PRH1: variants seen among roughly 807,000 people sequenced by gnomAD.
PRH1 encodes proline rich protein HaeIII subfamily 1.
A neutral mutation model predicts 7.9 loss-of-function variants in PRH1; 7 were observed. The ratio of observed to expected loss-of-function variants is 0.89; its 90% CI spans 0.50 to 1.67. The LOEUF is 1.67. PRH1 is among the 40% of genes most tolerant of loss of function. PRH1 has a pLI of 0.00. For synonymous variants in PRH1, 45 were observed against 80.8 expected (o/e 0.56, Z 2.38); for missense variants, 109 against 223.6 (o/e 0.49, Z 3.27).
intron 1 of PRH1, among the ~76,000 whole-genome samples, chr12:11,162,003 TTTAA>T (rs1464639839): frequency 2.0e-5 from 3 of 152,222 alleles, no homozygotes; most frequent in African/African-American, 7.2e-5. Context: ...TTATGAGTGA[TTTAA>T]TTAAATATGT....
chr12:10,908,255 T>C, intron 2 of PRH1: 1 of 744,974 alleles, frequency 1.3e-6, no homozygotes, highest in East Asian at 2.7e-5. Context: ...ATTTAAAACA[T>C]TTACAGTGAC....
intron 1 of PRH1, among the ~76,000 whole-genome samples, chr12:11,043,361 G>C (rs372299663): frequency 8.5e-5 from 13 of 152,200 alleles, no homozygotes; most frequent in African/African-American, 2.9e-4. Context: ...AAAACTAAAA[G>C]ACTTTCCTCT....
intron 1 of PRH1, among the ~76,000 whole-genome samples, chr12:11,080,907 A>AACACATG (rs370158951): frequency 1.3e-4 from 13 of 98,214 alleles, no homozygotes; most frequent in Non-Finnish European, 2.4e-4. Context: ...AGTTCTTTTC[A>AACACATG]ACATACTCTA....
chr12:11,023,641 T>C (rs563627433), intron 1 of PRH1, among the ~76,000 whole-genome samples: 4 of 152,354 alleles, frequency 2.6e-5, no homozygotes, highest in African/African-American at 7.2e-5. Context: ...GGCTTCCATA[T>C]TGAAGTTTCC....
upstream of PRH1, chr12:10,884,346 T>G (rs1949457417): frequency 6.3e-6 from 7 of 1,109,030 alleles, no homozygotes; most frequent in Non-Finnish European, 8.1e-6. Flanking sequence ...CCTCAGAGAC[T>G]GGCTTCTGCT....
At chr12:11,079,158 A>C (rs1193074484) in intron 1 of PRH1, 1 of 144,044 alleles carries the variant, frequency 6.9e-6, no homozygotes, top group Non-Finnish European at 1.5e-5. Flanking sequence ...AATTTTGTAA[A>C]TATTTCGAAG....
intron 1 of PRH1, among the ~76,000 whole-genome samples, chr12:11,056,715 G>A (rs1193376646): frequency 6.6e-6 from 1 of 152,124 alleles, no homozygotes; most frequent in Non-Finnish European, 1.5e-5. Context: ...GTACTCAGAT[G>A]GCTGCAGCAA....
At chr12:11,083,926 T>C (rs76488479) in intron 1 of PRH1, among the ~76,000 whole-genome samples, 12,916 of 70,810 alleles carry the variant, frequency 0.18, 502 homozygotes, top group Non-Finnish European at 0.25. Flanking sequence ...GTTGCTCTAG[T>C]TGGTTCTGCT....
intron 2 of PRH1, among the ~76,000 whole-genome samples, chr12:10,928,962 A>C (rs1288623640): frequency 6.6e-6 from 1 of 152,210 alleles, no homozygotes; most frequent in African/African-American, 2.4e-5. Flanking sequence ...AATGATGTCT[A>C]AAGTTCAATC....
At chr12:11,076,860 TA>T (rs1488407177) in intron 1 of PRH1, 1 of 115,114 alleles carries the variant, frequency 8.7e-6, no homozygotes, top group South Asian at 2.3e-4. Flanking sequence ...CCTAATGAAA[TA>T]AAACCTACCC....
chr12:10,886,216 T>A (rs1191442140), upstream of PRH1, among the ~76,000 whole-genome samples: 1 of 152,158 alleles, frequency 6.6e-6, no homozygotes, highest in African/African-American at 2.4e-5. Flanking sequence ...GACCTGGAGA[T>A]GAGCAGTCCT....
At chr12:10,954,392 C>A (rs768899349) in intron 2 of PRH1, among the ~76,000 whole-genome samples, 10 of 152,158 alleles carry the variant, frequency 6.6e-5, no homozygotes, top group Non-Finnish European at 1.3e-4. Context: ...TACCCATAAG[C>A]TCAAATTTAA....
At chr12:11,144,371 G>A (rs1244900977) in intron 1 of PRH1, among the ~76,000 whole-genome samples, 1 of 152,044 alleles carries the variant, frequency 6.6e-6, no homozygotes, top group Non-Finnish European at 1.5e-5. Context: ...GAAAGTGGGG[G>A]AAAGCCAACA....
chr12:11,097,095 C>G (rs1471484432), intron 1 of PRH1: 2 of 149,994 alleles, frequency 1.3e-5, no homozygotes. Context: ...ACCGCGCCTG[C>G]CCTATGCTGT....
intron 2 of PRH1, among the ~76,000 whole-genome samples, chr12:10,950,901 A>G (rs1257101245): frequency 6.6e-6 from 1 of 152,116 alleles, no homozygotes; most frequent in Non-Finnish European, 1.5e-5. Flanking sequence ...ACAAACACAC[A>G]TTAAAAAAGG....
At chr12:11,163,022 G>C (rs1027757347) in intron 1 of PRH1, among the ~76,000 whole-genome samples, 15 of 152,258 alleles carry the variant, frequency 9.9e-5, no homozygotes, top group African/African-American at 3.6e-4. Flanking sequence ...GAAAAATGCA[G>C]AACAATGTGT....
chr12:10,901,450 G>A (rs1051861699), intron 2 of PRH1, among the ~76,000 whole-genome samples: 1 of 152,162 alleles, frequency 6.6e-6, no homozygotes. Flanking sequence ...CTCCCTCAGT[G>A]TTGGTGCTTG....
At chr12:11,171,171 G>A (rs576035413) in intron 1 of PRH1, 4 of 396,888 alleles carry the variant, frequency 1.0e-5, no homozygotes, top group African/African-American at 4.1e-5. Context: ...GACAGGAAGG[G>A]GCGGAGCGCC....
intron 1 of PRH1, among the ~76,000 whole-genome samples, chr12:10,883,512 C>A (rs1221768759): frequency 2.0e-5 from 3 of 152,112 alleles, no homozygotes; most frequent in Non-Finnish European, 2.9e-5. Context: ...ATTTCAATGA[C>A]ATATTTGGGG....
Sources: allele counts gnomAD v4.1 joint callset (sites outside exome capture counted in the v4.1 genomes callset), GRCh38; gene constraint gnomAD v4.1.1; transcripts MANE v1.5; gene names NCBI Gene and HGNC (gene_info 2026-07-23, HGNC 2026-07-21).